Variants in PDE12 observed in about 807,000 individuals in gnomAD.
PDE12 encodes phosphodiesterase 12.
Under a neutral mutation model 45.4 loss-of-function variants are expected in PDE12, and 26 were observed. The ratio of observed to expected loss-of-function variants is 0.57; its 90% CI spans 0.42 to 0.79. The LOEUF (loss-of-function observed/expected upper bound fraction) is 0.79, where lower values mean the gene tolerates loss of function less well. PDE12 is among the 30% of genes least tolerant of loss of function. The pLI, the probability that PDE12 is intolerant of heterozygous loss-of-function variation, is 0.00. For synonymous variants in PDE12, 283 were observed against 323.9 expected (o/e 0.87, Z 1.36); for missense variants, 668 against 790.0 (o/e 0.85, Z 1.85).
chr3:57,616,351 A>C, the PDE12 span, among the ~76,000 whole-genome samples: 1 of 149,170 alleles, frequency 6.7e-6, no homozygotes, highest in East Asian at 2.1e-4. Context: ...AGAAGAAGAA[A>C]AGGAGGAGGA....
chr3:57,629,108 A>G, the PDE12 span, among the ~76,000 whole-genome samples: 2,044 of 152,342 alleles, frequency 0.013, 51 homozygotes, highest in African/African-American at 0.046. Context: ...ATTTGGAAGT[A>G]AAACAAAATG....
chr3:57,575,446 G>T, the PDE12 span: 6 of 1,186,662 alleles, frequency 5.1e-6, no homozygotes, highest in Middle Eastern at 2.5e-4. Context: ...CTCATTATTT[G>T]TCCAAAGGAG....
intron 1 of PDE12, among the ~76,000 whole-genome samples, chr3:57,558,783 C>T (rs190645998): frequency 9.3e-4 from 142 of 152,074 alleles, no homozygotes; most frequent in African/African-American, 3.3e-3. Flanking sequence ...AGCCACCACG[C>T]CCGGCCTATA....
rs1445179778 is a variant in PDE12 at position 57,561,209 on chromosome 3, G to A, written c.*1205G>A. 1.0e-6 allele frequency: 1 copy of A among 984,374 alleles called. No homozygotes were observed. Among genetic ancestry groups the A allele is most frequent in the East Asian group, 1.1e-4 (1 of 8,810 alleles). The allele number at this position is 984,374 out of a possible 1,614,324, so 61.0% of individuals were successfully genotyped here. A position where few individuals can be genotyped will look rare whatever the true frequency, so the allele number is the denominator to read the frequency against. On this transcript the variant is annotated 3_prime_UTR_variant, in exon 3 of 3. Transcript: ENST00000311180. ...TGACCATATGATATTAGAAAATACA[G>A]CACATTACTTTATGAGAAACTACCT...
the PDE12 span, among the ~76,000 whole-genome samples, chr3:57,618,615 T>TTTTG: frequency 2.4e-5 from 3 of 124,848 alleles, no homozygotes; most frequent in African/African-American, 7.9e-5. Context: ...GTGTTTTTTT[T>TTTTG]TTTTTTTTTT....
chr3:57,571,238 T>C (rs1245579980), downstream of PDE12: 7 of 152,326 alleles, frequency 4.6e-5, no homozygotes, highest in African/African-American at 1.7e-4. Flanking sequence ...CTCCACTTTA[T>C]ACAATTAGTA....
chr3:57,556,307 G>A lies in PDE12; in HGVS notation c.-73G>A. The A allele has an allele frequency of 4.2e-6, 6 of 1,437,076 alleles. No individual in the cohort carries two copies. The highest frequency in any genetic ancestry group is 1.4e-5 in the African/African-American group (1 of 70,212). 89.0% of individuals were successfully genotyped at this position (1,437,076 alleles called of 1,614,324 possible). A position where few individuals can be genotyped will look rare whatever the true frequency, so the allele number is the denominator to read the frequency against. On this transcript the variant is annotated 5_prime_UTR_variant, in exon 1 of 3. Coordinates refer to ENST00000311180, the MANE Select transcript of PDE12 (RefSeq NM_177966.7). This position sits in a 1 kb window ranked among gnomAD's most constrained non-coding sequence, Gnocchi z 5.0. ...TGAATGAGTCAAAGCCGGCGGCCTCGGCTCCTCAGCTCCACCTGACAGTAG... is the reference window on the plus strand; with the variant it reads ...TGAATGAGTCAAAGCCGGCGGCCTCAGCTCCTCAGCTCCACCTGACAGTAG...
At chr3:57,630,260 A>AGC in the PDE12 span, 1 of 561,636 alleles carries the variant, frequency 1.8e-6, no homozygotes, top group East Asian at 3.3e-5. Flanking sequence ...ATCTATATAA[A>AGC]GCCCCTATAA....
chr3:57,595,749 G>A, the PDE12 span, among the ~76,000 whole-genome samples: 1 of 152,102 alleles, frequency 6.6e-6, no homozygotes, highest in Admixed American at 6.6e-5. Context: ...AGGAGTTCGA[G>A]ACCAGACTGG....
chr3:57,607,797 C>T, the PDE12 span, among the ~76,000 whole-genome samples: 2 of 151,782 alleles, frequency 1.3e-5, no homozygotes, highest in African/African-American at 4.8e-5. Flanking sequence ...AATGGAGCCA[C>T]GTTGGAAAAC....
Position 57,560,305 on chromosome 3 carries a change from TTTTG to T in PDE12, c.*313_*316del, listed in dbSNP as rs141300932. The T allele has an allele frequency of 5.8e-3, 6,635 of 1,136,118 alleles. 246 individuals carry two copies. The African/African-American group carries it at 0.088, about 15-fold the overall frequency. 70.4% of individuals were successfully genotyped at this position (1,136,118 alleles called of 1,614,324 possible). A position where few individuals can be genotyped will look rare whatever the true frequency, so the allele number is the denominator to read the frequency against. On this transcript the variant is annotated 3_prime_UTR_variant, in exon 3 of 3. Transcript: ENST00000311180. ...AAAAGGAAGATTGAATTAGCGTGTT[TTTTG>T]TTTGTTTGTTTTTGTTTTTGTTTTT... is the stretch of plus-strand genomic sequence containing the variant.
chr3:57,609,527 C>A, the PDE12 span, among the ~76,000 whole-genome samples: 1 of 151,744 alleles, frequency 6.6e-6, no homozygotes, highest in Admixed American at 6.6e-5. Flanking sequence ...ATCAAATAGA[C>A]GCAATAAAAA....
rs2153407569 is a variant in PDE12, at chr3:57,560,756, GAA to G, written c.*755_*756del. On this transcript the variant is annotated 3_prime_UTR_variant, in exon 3 of 3. Coordinates refer to ENST00000311180, the MANE Select transcript of PDE12 (RefSeq NM_177966.7). ...TGAATCATGCTTATGTACTAAGAGG[GAA>G]AATGTATTTAAGTTAAGGGTGAGAG... The G allele has an allele frequency of 1.0e-6, 1 of 985,552 alleles. No homozygotes were observed. The highest frequency in any genetic ancestry group is 1.1e-4 in the East Asian group (1 of 8,812). 61.1% of individuals were successfully genotyped at this position (985,552 alleles called of 1,614,324 possible). A position where few individuals can be genotyped will look rare whatever the true frequency, so the allele number is the denominator to read the frequency against.
At chr3:57,641,625 G>A in the PDE12 span, 1 of 1,585,438 alleles carries the variant, frequency 6.3e-7, no homozygotes. Flanking sequence ...CTGCACACTA[G>A]AAACAGAACA....
chr3:57,615,491 CAAAAG>C, the PDE12 span, among the ~76,000 whole-genome samples: 579 of 152,136 alleles, frequency 3.8e-3, 3 homozygotes, highest in Non-Finnish European at 5.4e-3. Context: ...CCAAAGTAAA[CAAAAG>C]AAAGACTAAA....
At chr3:57,592,165 C>G in the PDE12 span, among the ~76,000 whole-genome samples, 1 of 152,018 alleles carries the variant, frequency 6.6e-6, no homozygotes, top group African/African-American at 2.4e-5. Context: ...TGCCATCCTG[C>G]CTTTAGGTTT....
the PDE12 span, chr3:57,628,124 C>T: frequency 6.6e-7 from 1 of 1,526,102 alleles, no homozygotes; most frequent in East Asian, 2.3e-5. Flanking sequence ...CACTCCGCTG[C>T]CACTGAGAGA....
At chr3:57,574,408 A>ATT in the PDE12 span, among the ~76,000 whole-genome samples, 59,048 of 145,304 alleles carry the variant, frequency 0.41, 13,257 homozygotes, top group South Asian at 0.58. Context: ...AGAAGTACAA[A>ATT]TTTTTTTTTT....
At chr3:57,649,412 TA>T in the PDE12 span, among the ~76,000 whole-genome samples, 1,032 of 151,868 alleles carry the variant, frequency 6.8e-3, 12 homozygotes, top group African/African-American at 0.023. Flanking sequence ...GGTAGAAATG[TA>T]AACTAGTACA....
Sources: allele counts gnomAD v4.1 joint callset (sites outside exome capture counted in the v4.1 genomes callset), GRCh38; gene constraint gnomAD v4.1.1; non-coding constraint Gnocchi (gnomAD v3.1); transcripts MANE v1.5; gene names NCBI Gene and HGNC (gene_info 2026-07-23, HGNC 2026-07-21).